Variants in ALDH9A1 observed in about 807,000 individuals in gnomAD.
ALDH9A1 encodes aldehyde dehydrogenase 9 family member A1.
Under a neutral mutation model 56.6 loss-of-function variants are expected in ALDH9A1, and 42 were observed. The observed-to-expected ratio is 0.74, with a 90% CI of 0.58 to 0.96. The LOEUF is 0.96. Ranked by LOEUF, ALDH9A1 falls within the 40% of genes least tolerant of loss-of-function variation. ALDH9A1 has a pLI of 0.00. For synonymous variants in ALDH9A1, 242 were observed against 236.0 expected (o/e 1.03, Z -0.23); for missense variants, 661 against 651.5 (o/e 1.01, Z -0.16).
At chr1:165,668,857 T>A in intron 8 of ALDH9A1, 69 bp downstream of exon 8, 2 of 1,246,134 alleles carry the variant, frequency 1.6e-6, no homozygotes, top group East Asian at 4.7e-5. Context: ...ACATATTTTA[T>A]AAATATTCAT....
chr1:165,673,738 T>G (rs1157499464), intron 6 of ALDH9A1, among the ~76,000 whole-genome samples: 1 of 152,154 alleles, frequency 6.6e-6, no homozygotes, highest in African/African-American at 2.4e-5. Context: ...CTATTCAGCA[T>G]GAAAAAGTTT....
Position 165,669,313 on chromosome 1 carries a change from G to T in ALDH9A1, c.1068C>A (p.Asn356Lys). The change falls in exon 7 of 11, where the codon AAC becomes AAA. Residue 356 changes from asparagine (N) to lysine (K), a missense_variant. Coordinates refer to ENST00000354775, the MANE Select transcript of ALDH9A1 (RefSeq NM_000696.4). ...LEDTRMGPLI[N>K]RPHLERVLGF... ...CAAGGACTCGCTCCAGGTGTGGTCG[G>T]TTGATGAGTGGACCCATCCTTGTAT... 1 of 1,613,726 alleles carries T rather than the reference G, an allele frequency of 6.2e-7. No homozygotes were observed. The highest frequency in any genetic ancestry group is 8.5e-7 in the Non-Finnish European group (1 of 1,179,884).
At chr1:165,670,460 G>T (rs1376137387) in intron 6 of ALDH9A1, among the ~76,000 whole-genome samples, 2 of 151,538 alleles carry the variant, frequency 1.3e-5, no homozygotes, top group African/African-American at 4.9e-5. Flanking sequence ...GACAATACTG[G>T]TAATTCCTCT....
intron 6 of ALDH9A1, among the ~76,000 whole-genome samples, chr1:165,678,625 CAGGATAG>C (rs1439871025): frequency 6.6e-6 from 1 of 152,190 alleles, no homozygotes; most frequent in Non-Finnish European, 1.5e-5. Flanking sequence ...TGATGAGGAA[CAGGATAG>C]TCTCAAAATA....
At chr1:165,682,838 T>C in intron 3 of ALDH9A1, 143 bp downstream of exon 3, 2 of 913,996 alleles carry the variant, frequency 2.2e-6, no homozygotes, top group East Asian at 5.4e-5. Flanking sequence ...GATAAAGTAA[T>C]TCCCAGGCCA....
In ALDH9A1 at chr1:165,667,397, T is replaced by A; in HGVS notation, c.1261A>T (p.Met421Leu). Reference protein sequence around the residue: ...CVKEEIFGPVMSILSFDTEAE... With the variant: ...CVKEEIFGPVLSILSFDTEAE... ...TCAGTGTCAAATGATAAAATGGACA[T>A]AACAGGCCCAAAGATCTCTTCCTTC... The change falls in exon 9 of 11, where the codon ATG (methionine) becomes TTG (leucine). Residue 421 changes from methionine (M) to leucine (L), a missense_variant. Transcript: ENST00000354775. 1.2e-6 allele frequency: 2 copies of A among 1,614,134 alleles called. No homozygotes were observed. The highest frequency in any genetic ancestry group is 2.2e-5 in the East Asian group (1 of 44,884).
At chr1:165,682,701 T>A (rs553001757) in intron 3 of ALDH9A1, 3 of 367,642 alleles carry the variant, frequency 8.2e-6, no homozygotes, top group South Asian at 6.8e-5. Flanking sequence ...CCGATTCTTA[T>A]GAAAACTGGT....
Position 165,694,954 on chromosome 1 carries a change from T to TC in ALDH9A1, c.327+297dup, listed in dbSNP as rs1476543952. On this transcript the variant is annotated intron_variant, in intron 2 of 10. Coordinates refer to ENST00000354775, the MANE Select transcript of ALDH9A1 (RefSeq NM_000696.4). ...CTGGGCGACAGAGCAAGATTCCGTC[T>TC]CAAAAAAAAAAAAAAATAAAAATAA... Among the ~76,000 whole-genome samples the TC allele has an allele frequency of 7.2e-4, 83 of 115,738 alleles. 3 individuals are homozygous for TC. The highest frequency in any genetic ancestry group is 7.2e-3 in the East Asian group (33 of 4,608). The allele number at this position is 115,738 out of a possible 152,430, so 75.9% of individuals were successfully genotyped here.
chr1:165,662,907 G>T lies in ALDH9A1; in HGVS notation c.*143C>A. ...TTCAGTGAGGAAGCTGATGGAGAGA[G>T]AAAGAGTAACATGAACCATTCTCTT... On this transcript the variant is annotated 3_prime_UTR_variant, in exon 11 of 11. Transcript: ENST00000354775. 1 of 674,702 alleles carries T rather than the reference G, an allele frequency of 1.5e-6. No individual in the cohort carries two copies. Among genetic ancestry groups the T allele is most frequent in the East Asian group, 2.6e-5 (1 of 38,186 alleles). 41.8% of individuals were successfully genotyped at this position (674,702 alleles called of 1,614,324 possible).
Position 165,698,387 on chromosome 1 carries a change from G to A in ALDH9A1, c.172C>T (p.Pro58Ser). 3.8e-6 allele frequency: 6 copies of A among 1,592,188 alleles called. No individual in the cohort carries two copies. Among genetic ancestry groups the A allele is most frequent in the Non-Finnish European group, 5.1e-6 (6 of 1,171,030 alleles). ...GGCTCGTTGCAGTTACCGGTTGCTGGCTCGAAAGCTTTCTCGGTACCGGAG... is the reference window on the plus strand; with the variant it reads ...GGCTCGTTGCAGTTACCGGTTGCTGACTCGAAAGCTTTCTCGGTACCGGAG... ...DASGTEKAFEPATGRVIATFT... is the reference protein window; with the variant it reads ...DASGTEKAFESATGRVIATFT... Residue 58 changes from proline (P) to serine (S), a missense_variant, in exon 1 of 11, where the codon CCA (proline) becomes TCA (serine). Coordinates refer to ENST00000354775, the MANE Select transcript of ALDH9A1 (RefSeq NM_000696.4).
intron 2 of ALDH9A1, among the ~76,000 whole-genome samples, chr1:165,690,183 T>G (rs1649844701): frequency 1.3e-5 from 2 of 148,926 alleles, no homozygotes; most frequent in Non-Finnish European, 1.5e-5. Context: ...ATGTGTATAA[T>G]TATGTATATG....
rs373037887 is a variant in ALDH9A1 at position 165,665,019 on chromosome 1, T to C, written c.1461A>G (p.Ser487=). ...CATTCACACCTCCCAGCTCCTCACC[T>C]GACTTCTTATATCCACCAAAGGGCA... The part of the protein sequence containing the change: ...VELPFGGYKK[S]GFGRENGRVT... The change falls in exon 10 of 11, where the codon TCA becomes TCG. Residue 487 remains serine (S), a splice_region_variant and synonymous_variant. Coordinates refer to ENST00000354775, the MANE Select transcript of ALDH9A1 (RefSeq NM_000696.4). The C allele has an allele frequency of 6.2e-7, 1 of 1,613,412 alleles. No homozygotes were observed. The highest frequency in any genetic ancestry group is 8.5e-7 in the Non-Finnish European group (1 of 1,179,424).
At chr1:165,682,295 C>T in intron 3 of ALDH9A1, 54 bp from the exon 4 acceptor site, 2 of 1,581,886 alleles carry the variant, frequency 1.3e-6, no homozygotes, top group Non-Finnish European at 1.7e-6. Flanking sequence ...CCCAAGATTT[C>T]ACCAACATCT....
chr1:165,669,445 G>C lies in ALDH9A1; in HGVS notation c.936C>G (p.Cys312Trp). The part of the protein sequence containing the change: ...MANFLTQGQV[C>W]CNGTRVFVQK... ...GCACAAATACTCTTGTGCCATTACA[G>C]CAAACCTAAAGGACAAACACAAGAC... The change falls in exon 7 of 11, where the codon TGC becomes TGG. Residue 312 changes from cysteine to tryptophan, a missense_variant. By Grantham distance (215) the Cys-to-Trp change is radical. Coordinates refer to ENST00000354775, the MANE Select transcript of ALDH9A1 (RefSeq NM_000696.4). The C allele has an allele frequency of 6.2e-7, 1 of 1,608,900 alleles. No individual in the cohort carries two copies. Among genetic ancestry groups the C allele is most frequent in the East Asian group, 2.2e-5 (1 of 44,694 alleles).
intron 9 of ALDH9A1, among the ~76,000 whole-genome samples, chr1:165,665,381 T>C (rs946387329): frequency 2.0e-5 from 3 of 152,192 alleles, no homozygotes; most frequent in African/African-American, 7.2e-5. Context: ...AAACAGTCTT[T>C]TTAACAAATG....
intron 8 of ALDH9A1, among the ~76,000 whole-genome samples, chr1:165,667,767 G>C (rs1302512686): frequency 1.3e-5 from 2 of 152,256 alleles, no homozygotes; most frequent in South Asian, 4.2e-4. Context: ...TTTCTAGTGA[G>C]GATTAAAGGT....
rs975768781 is a variant in ALDH9A1 at position 165,663,069 on chromosome 1, T to A, written c.1538A>T (p.Asp513Val). ...QLKTVCVEMG[D>V]VESAF Reference sequence around the variant, plus strand: ...AGGTTTTCAAAAAGCAGATTCCACATCACCCATCTCCACACACACAGTCTT... The same window carrying A: ...AGGTTTTCAAAAAGCAGATTCCACAACACCCATCTCCACACACACAGTCTT... The change falls in exon 11 of 11, where the codon GAT (aspartate) becomes GTT (valine). Residue 513 changes from aspartate to valine, a missense_variant. Transcript: ENST00000354775. 6.2e-7 allele frequency: 1 copy of A among 1,613,954 alleles called. No individual in the cohort carries two copies. Among genetic ancestry groups the A allele is most frequent in the Admixed American group, 1.7e-5 (1 of 60,008 alleles).
intron 10 of ALDH9A1, 88 bp from the exon 11 acceptor site, chr1:165,663,232 A>C: frequency 9.4e-7 from 1 of 1,063,496 alleles, no homozygotes; most frequent in South Asian, 1.3e-5. Context: ...ACTGCTAATC[A>C]GGGCTAGGGA....
intron 2 of ALDH9A1, among the ~76,000 whole-genome samples, chr1:165,692,427 A>C (rs910278977): frequency 5.9e-5 from 9 of 152,212 alleles, no homozygotes; most frequent in African/African-American, 1.9e-4. Flanking sequence ...ATAACAGACA[A>C]ACACAGAGCC....
Sources: gnomAD v4.1 joint callset for allele counts (sites outside exome capture counted in the v4.1 genomes callset) on GRCh38, gnomAD v4.1.1 for gene constraint, MANE v1.5 for transcripts, NCBI Gene and HGNC (gene_info 2026-07-23, HGNC 2026-07-21) for gene names.